RALGAPA2: variants seen among roughly 807,000 people sequenced by gnomAD.
The protein encoded by RALGAPA2 is Ral GTPase activating protein catalytic subunit alpha 2.
In RALGAPA2, 139 loss-of-function variants were observed where a neutral mutation model predicts 230.4. The observed-to-expected ratio is 0.60, with a 90% CI of 0.53 to 0.69. The LOEUF is 0.69. Among genes scored for constraint, RALGAPA2 ranks in the 30% least tolerant of loss-of-function variants. The pLI is 0.00. For synonymous variants in RALGAPA2, 847 were observed against 837.8 expected (o/e 1.01, Z -0.19); for missense variants, 2,163 against 2,276.0 (o/e 0.95, Z 1.01).
At chr20:20,587,215 C>T (rs1347511923) in intron 18 of RALGAPA2, among the ~76,000 whole-genome samples, 1 of 151,758 alleles carries the variant, frequency 6.6e-6, no homozygotes, top group Non-Finnish European at 1.5e-5. Flanking sequence ...GACTTCTCAG[C>T]AACAAAGAAA....
chr20:20,505,350 A>AGTTTGGACACATCTTTAAACAGTGCTG, intron 34 of RALGAPA2, 61 bp downstream of exon 34: 3 of 1,463,430 alleles, frequency 2.0e-6, no homozygotes. Context: ...CACAATGTCT[A>AGTTTGGACACATCTTTAAACAGTGCTG]GTTTGGACAC....
In RALGAPA2 at chr20:20,712,603, T is replaced by C. The variant is rs1477453880; in HGVS notation, c.-123A>G. 2.3e-4 allele frequency: 271 copies of C among 1,179,280 alleles called. 1 individual carries two copies. Among genetic ancestry groups the C allele is most frequent in the Non-Finnish European group, 2.7e-4 (251 of 944,296 alleles). 73.1% of individuals were successfully genotyped at this position (1,179,280 alleles called of 1,614,324 possible). ...CACTCGCCGCCCCCAGCCCCGCTGC[T>C]GCCGCCGCCGCCGCCGCCGCCGCCG... is the stretch of plus-strand genomic sequence containing the variant. On this transcript the variant is annotated 5_prime_UTR_variant, in exon 1 of 40. Transcript: ENST00000202677. The surrounding 1 kb of genome is among the most constrained non-coding windows in gnomAD (Gnocchi z 5.5).
intron 23 of RALGAPA2, among the ~76,000 whole-genome samples, chr20:20,571,243 C>T (rs1364353472): frequency 6.6e-6 from 1 of 152,112 alleles, no homozygotes; most frequent in Non-Finnish European, 1.5e-5. Context: ...TTGGTTGGCA[C>T]AATGCAAATG....
chr20:20,590,315 A>C (rs1045772114), intron 17 of RALGAPA2, among the ~76,000 whole-genome samples: 29 of 151,838 alleles, frequency 1.9e-4, no homozygotes, highest in Non-Finnish European at 3.5e-4. Flanking sequence ...AATATGTATA[A>C]AAAAAAAGCC....
At chr20:20,588,808 T>C (rs1409597971) in intron 18 of RALGAPA2, among the ~76,000 whole-genome samples, 1 of 152,144 alleles carries the variant, frequency 6.6e-6, no homozygotes, top group Non-Finnish European at 1.5e-5. Flanking sequence ...TATGGGCTTA[T>C]GTTTTAATTT....
chr20:20,573,101 A>T, intron 20 of RALGAPA2, 33 bp from the exon 21 acceptor site: 1 of 1,516,440 alleles, frequency 6.6e-7, no homozygotes, highest in Non-Finnish European at 8.9e-7. Context: ...TAACCCTGTA[A>T]ACAATCTTGA....
intron 33 of RALGAPA2, among the ~76,000 whole-genome samples, chr20:20,508,166 T>C (rs1344397728): frequency 6.6e-6 from 1 of 152,142 alleles, no homozygotes; most frequent in African/African-American, 2.4e-5. Flanking sequence ...GTTGTAAACA[T>C]TCATCAAATT....
intron 37 of RALGAPA2, among the ~76,000 whole-genome samples, chr20:20,429,846 A>G (rs180683581): frequency 1.3e-5 from 2 of 152,316 alleles, no homozygotes; most frequent in East Asian, 3.9e-4. Context: ...AAGGGGGTGA[A>G]CCATTTCTGA....
intron 1 of RALGAPA2, among the ~76,000 whole-genome samples, chr20:20,684,002 A>C (rs1453808866): frequency 6.6e-6 from 1 of 152,212 alleles, no homozygotes; most frequent in Non-Finnish European, 1.5e-5. Context: ...ACCTGTATAT[A>C]AACTGTGGGC....
intron 15 of RALGAPA2, among the ~76,000 whole-genome samples, chr20:20,604,134 T>G (rs1207461824): frequency 6.6e-6 from 1 of 152,232 alleles, no homozygotes. Context: ...TTAATCACAA[T>G]GGCAGTTCCC....
rs150521109 is a variant in RALGAPA2, at chr20:20,435,361, G to A, written c.5496-23213C>T. ...GTTCACCACCCTGGGCAGACAGCGC[G>A]TACTCTGCTAGATGCTGGGAGCAGC... On this transcript the variant is annotated intron_variant, in intron 37 of 39. Transcript: ENST00000202677. 4.3e-3 allele frequency among the ~76,000 whole-genome samples: 658 copies of A among 152,328 alleles called. 8 individuals carry two copies. The highest frequency in any genetic ancestry group is 0.015 in the African/African-American group (619 of 41,564).
chr20:20,647,335 A>G (rs1319252061), intron 4 of RALGAPA2, among the ~76,000 whole-genome samples: 2 of 152,206 alleles, frequency 1.3e-5, no homozygotes. Context: ...GAAAGAGAGA[A>G]ACTCCCTCTG....
At position 20,495,167 on chromosome 20, in the gene RALGAPA2, AAAT is replaced by A; in HGVS notation, c.5314_5316del (p.Ile1772del). 1 of 1,611,820 alleles carries A rather than the reference AAAT, an allele frequency of 6.2e-7. No homozygotes were observed. The highest frequency in any genetic ancestry group is 8.5e-7 in the Non-Finnish European group (1 of 1,178,232). On this transcript the variant is annotated inframe_deletion, in exon 36 of 40. Transcript: ENST00000202677. Reference sequence around the variant, plus strand: ...AAGAACATGTGATTCTTCATTGGGTAAATAATGATTGAAACATCTCCAAAGGCA... The same window carrying A: ...AAGAACATGTGATTCTTCATTGGGTAAATGATTGAAACATCTCCAAAGGCA...
rs576504771 is a variant in RALGAPA2 at position 20,413,065 on chromosome 20, C to T, written c.5496-917G>A. ...TTAACACTTGGGGAAGTCCGCATGA[C>T]GTCTCATTTTCCCCTTCCTCATTAT... On this transcript the variant is annotated intron_variant, in intron 37 of 39. Transcript: ENST00000202677. Among the ~76,000 whole-genome samples the T allele has an allele frequency of 5.3e-5, 8 of 152,294 alleles. No individual in the cohort carries two copies. In the South Asian group the frequency reaches 6.2e-4, roughly 12 times the overall value.
chr20:20,628,086 T>C (rs2146403745), intron 10 of RALGAPA2, among the ~76,000 whole-genome samples: 1 of 152,348 alleles, frequency 6.6e-6, no homozygotes, highest in East Asian at 1.9e-4. Context: ...GAATGTTAAT[T>C]GCAGACTAAA....
In RALGAPA2 at chr20:20,412,199, G is replaced by A. The variant is rs1436158359; in HGVS notation, c.5496-51C>T. The stretch of plus-strand genomic sequence containing the variant: ...GTGCACGTGCAAAGTGGCATGCAGA[G>A]CAGTGACAGAATTCACTTTTAATAC... On this transcript the variant is annotated intron_variant, in intron 37 of 39. Coordinates refer to ENST00000202677, the MANE Select transcript of RALGAPA2 (RefSeq NM_020343.4). 4.4e-6 allele frequency: 7 copies of A among 1,602,634 alleles called. No individual in the cohort carries two copies. The East Asian group carries it at 1.6e-4, about 36-fold the overall frequency.
In RALGAPA2 at chr20:20,659,703, C is replaced by A. The variant is rs147107580; in HGVS notation, c.271-6116G>T. 1.9e-5 allele frequency: 9 copies of A among 483,538 alleles called. No individual in the cohort carries two copies. The East Asian group carries it at 3.0e-4, about 16-fold the overall frequency. The allele number at this position is 483,538 out of a possible 1,614,324, so 30.0% of individuals were successfully genotyped here. A position where few individuals can be genotyped will look rare whatever the true frequency, so the allele number is the denominator to read the frequency against. On this transcript the variant is annotated intron_variant, in intron 3 of 39. Coordinates refer to ENST00000202677, the MANE Select transcript of RALGAPA2 (RefSeq NM_020343.4). ...ATAATCTGAATGGCAACAGCAGCAG[C>A]GAGAGGATGAACAAGTTATACACCT...
chr20:20,528,606 G>C (rs2063288345), intron 27 of RALGAPA2, among the ~76,000 whole-genome samples: 1 of 152,104 alleles, frequency 6.6e-6, no homozygotes, highest in African/African-American at 2.4e-5. Flanking sequence ...GAGTTGGTGA[G>C]TATGGCTGTG....
chr20:20,446,490 A>G (rs1677014198), intron 37 of RALGAPA2, among the ~76,000 whole-genome samples: 1 of 152,214 alleles, frequency 6.6e-6, no homozygotes, highest in African/African-American at 2.4e-5. Context: ...TGAAATCAAC[A>G]AGGAGGAGAG....
Sources: gnomAD v4.1 joint callset for allele counts (sites outside exome capture counted in the v4.1 genomes callset) on GRCh38, gnomAD v4.1.1 for gene constraint, Gnocchi (gnomAD v3.1) non-coding constraint, MANE v1.5 for transcripts, NCBI Gene and HGNC (gene_info 2026-07-23, HGNC 2026-07-21) for gene names.